KCNN2: variants seen among roughly 807,000 people sequenced by gnomAD.
The protein encoded by KCNN2 is small conductance calcium-activated potassium channel protein 2.
KCNN2 carries 24 observed loss-of-function variants against 55.5 expected under a neutral mutation model. The ratio of observed to expected loss-of-function variants is 0.43; its 90% confidence interval spans 0.31 to 0.61. The LOEUF (loss-of-function observed/expected upper bound fraction) is 0.61, where lower values mean the gene tolerates loss of function less well. Among genes scored for constraint, KCNN2 ranks in the 20% least tolerant of loss-of-function variants. The pLI is 0.08. For synonymous variants in KCNN2, 431 were observed against 336.1 expected, an observed-to-expected ratio of 1.28 and a Z score of -3.09; for missense variants, 754 against 853.6, an observed-to-expected ratio of 0.88 and a Z score of 1.45.
chr5:114,217,941 G>A (rs1214200956), intron 1 of KCNN2, among the ~76,000 whole-genome samples: 3 of 152,104 alleles, frequency 2.0e-5, no homozygotes, highest in Non-Finnish European at 2.9e-5. Context: ...CAAAAGATCT[G>A]AACATTACTT....
At chr5:114,320,713 G>A (rs1328212700) in intron 2 of KCNN2, among the ~76,000 whole-genome samples, 1 of 152,116 alleles carries the variant, frequency 6.6e-6, no homozygotes, top group African/African-American at 2.4e-5. Flanking sequence ...GGGGTAGGGT[G>A]CATGGTTTGT....
chr5:114,283,806 T>C (rs1755676973), intron 2 of KCNN2, among the ~76,000 whole-genome samples: 1 of 152,218 alleles, frequency 6.6e-6, no homozygotes, highest in Non-Finnish European at 1.5e-5. Context: ...GCTACCTAGA[T>C]GATCTGCCAA....
intron 1 of KCNN2, among the ~76,000 whole-genome samples, chr5:114,153,889 T>C (rs538354688): frequency 1.3e-5 from 2 of 152,122 alleles, no homozygotes; most frequent in African/African-American, 2.4e-5. Flanking sequence ...GGAGGTTTAG[T>C]TGGTCTTGTT....
At chr5:114,106,033 T>C (rs1392550946) in intron 1 of KCNN2, among the ~76,000 whole-genome samples, 3 of 152,034 alleles carry the variant, frequency 2.0e-5, no homozygotes, top group Non-Finnish European at 4.4e-5. Context: ...GTAACAAGTA[T>C]ATTATTAGTT....
intron 2 of KCNN2, among the ~76,000 whole-genome samples, chr5:114,313,854 A>G (rs560290938): frequency 7.4e-4 from 113 of 152,266 alleles, no homozygotes; most frequent in Non-Finnish European, 1.3e-3. Context: ...ATTCATAAGA[A>G]TCAGTCTCAA....
intron 1 of KCNN2, among the ~76,000 whole-genome samples, chr5:114,092,741 C>T (rs921136653): frequency 2.6e-5 from 4 of 152,206 alleles, no homozygotes; most frequent in African/African-American, 9.6e-5. Flanking sequence ...TGTAAGCCAC[C>T]AAGGCTTAGG....
chr5:114,485,815 TTTTCACTCCATGAGAAAGATTCAC>T (rs1330497784), intron 5 of KCNN2, among the ~76,000 whole-genome samples: 2 of 152,152 alleles, frequency 1.3e-5, no homozygotes, highest in African/African-American at 4.8e-5. Context: ...AAAGAAAACT[TTTTCACTCCATGAGAAAGATTCAC>T]TATCAGTTAC....
intron 1 of KCNN2, among the ~76,000 whole-genome samples, chr5:114,142,216 T>C (rs1245019574): frequency 1.3e-5 from 2 of 152,214 alleles, no homozygotes; most frequent in Non-Finnish European, 2.9e-5. Flanking sequence ...CATGCCTATG[T>C]CCTGAATGGT....
chr5:114,153,108 G>A (rs961278368), intron 1 of KCNN2, among the ~76,000 whole-genome samples: 10 of 152,278 alleles, frequency 6.6e-5, no homozygotes, highest in Non-Finnish European at 1.0e-4. Context: ...GTATCATTCC[G>A]TGAAACTGAA....
intron 1 of KCNN2, among the ~76,000 whole-genome samples, chr5:114,125,624 G>T (rs1416472070): frequency 6.6e-6 from 1 of 152,186 alleles, no homozygotes; most frequent in Non-Finnish European, 1.5e-5. Flanking sequence ...CTTGTAGGGT[G>T]CATTAGTTTG....
chr5:114,489,252 T>A (rs1004888533), intron 6 of KCNN2, among the ~76,000 whole-genome samples: 1 of 152,120 alleles, frequency 6.6e-6, no homozygotes, highest in Non-Finnish European at 1.5e-5. Flanking sequence ...TACCGTAAAA[T>A]GCTTTCAACT....
At chr5:114,332,941 C>G (rs1260786351) in intron 2 of KCNN2, among the ~76,000 whole-genome samples, 2 of 152,176 alleles carry the variant, frequency 1.3e-5, no homozygotes, top group Admixed American at 6.5e-5. Flanking sequence ...TCACCTAATT[C>G]CTCCTTGGAG....
chr5:114,071,112 A>G (rs747536657), intron 1 of KCNN2, among the ~76,000 whole-genome samples: 2 of 152,236 alleles, frequency 1.3e-5, no homozygotes, highest in Non-Finnish European at 2.9e-5. Context: ...TGCCAACAGT[A>G]GAATCTACTC....
At chr5:114,171,942 G>C (rs958946896) in intron 1 of KCNN2, among the ~76,000 whole-genome samples, 1 of 151,832 alleles carries the variant, frequency 6.6e-6, no homozygotes, top group African/African-American at 2.4e-5. Context: ...AGTTTTCAGG[G>C]TGTATAGTAT....
chr5:114,474,284 C>G (rs1305096630), intron 5 of KCNN2, among the ~76,000 whole-genome samples: 1 of 152,108 alleles, frequency 6.6e-6, no homozygotes, highest in Non-Finnish European at 1.5e-5. Flanking sequence ...ACATGAATTG[C>G]TATTGCCTGC....
At chr5:114,149,165 C>A (rs991114275) in intron 1 of KCNN2, among the ~76,000 whole-genome samples, 7 of 152,018 alleles carry the variant, frequency 4.6e-5, no homozygotes, top group Non-Finnish European at 2.9e-5. Context: ...GACAGATAAG[C>A]CTGGTGTTTA....
chr5:114,462,745 G>A (rs1166767770), intron 3 of KCNN2, among the ~76,000 whole-genome samples: 6 of 152,206 alleles, frequency 3.9e-5, no homozygotes, highest in South Asian at 2.1e-4. Flanking sequence ...AAGGAGTGAC[G>A]AGACACGGGC....
intron 2 of KCNN2, among the ~76,000 whole-genome samples, chr5:114,281,203 G>C (rs183928222): frequency 7.1e-4 from 108 of 152,216 alleles, no homozygotes; most frequent in Non-Finnish European, 1.1e-3. Flanking sequence ...TTTGCTGTGT[G>C]TTTCTGCCAT....
At chr5:114,234,779 A>G (rs1422942418) in intron 2 of KCNN2, among the ~76,000 whole-genome samples, 1 of 152,176 alleles carries the variant, frequency 6.6e-6, no homozygotes, top group Non-Finnish European at 1.5e-5. Flanking sequence ...ATGGCTGCCA[A>G]CTAGAGAGTT....
Sources: gnomAD v4.1 joint callset for allele counts (sites outside exome capture counted in the v4.1 genomes callset) on GRCh38, gnomAD v4.1.1 for gene constraint, MANE v1.5 for transcripts, NCBI Gene and HGNC (gene_info 2026-07-23, HGNC 2026-07-21) for gene names.